Variants in CSNK1G1 observed in about 807,000 individuals in gnomAD.
CSNK1G1 encodes casein kinase 1 gamma 1, also known as casein kinase I isoform gamma-1.
In CSNK1G1, 22 loss-of-function variants were observed where a neutral mutation model predicts 59.6. The observed-to-expected ratio is 0.37, with a 90% CI of 0.26 to 0.53. The LOEUF (loss-of-function observed/expected upper bound fraction) is 0.53. Ranked by LOEUF, CSNK1G1 falls within the 20% of genes least tolerant of loss-of-function variation. The pLI is 0.89. For missense variants in CSNK1G1, 384 were observed against 519.5 expected, an observed-to-expected ratio of 0.74 and a Z score of 2.54; for synonymous variants, 179 against 177.1, an observed-to-expected ratio of 1.01 and a Z score of -0.08.
At chr15:64,227,345 T>C (rs1356422960) in intron 4 of CSNK1G1, among the ~76,000 whole-genome samples, 1 of 152,236 alleles carries the variant, frequency 6.6e-6, no homozygotes, top group Non-Finnish European at 1.5e-5. Flanking sequence ...CATTGACTTC[T>C]GTGTATTTTA....
chr15:64,248,585 A>G (rs1255641992), intron 4 of CSNK1G1, among the ~76,000 whole-genome samples: 1 of 152,158 alleles, frequency 6.6e-6, no homozygotes, highest in Non-Finnish European at 1.5e-5. Context: ...ACCAATATGC[A>G]ATTACAATAA....
At chr15:64,334,556 A>C (rs897650729) in intron 1 of CSNK1G1, among the ~76,000 whole-genome samples, 5 of 152,190 alleles carry the variant, frequency 3.3e-5, no homozygotes, top group African/African-American at 9.6e-5. Flanking sequence ...GTTTTCCTGC[A>C]ACTGGATGGT....
rs115491593 is a variant in CSNK1G1, at chr15:64,340,570, C to T, written c.-225+15418G>A. ...ACTGCAGGTGGCTTTCCCAGAATCA[C>T]CACTCCCTCAGTAAAGTCCAGTTTT... On this transcript the variant is annotated intron_variant, in intron 1 of 11. Transcript: ENST00000303052. 1.6e-3 allele frequency among the ~76,000 whole-genome samples: 248 copies of T among 152,214 alleles called. 2 individuals are homozygous for T. The highest frequency in any genetic ancestry group is 5.8e-3 in the African/African-American group (239 of 41,520).
At chr15:64,288,636 T>C (rs978015911) in intron 2 of CSNK1G1, among the ~76,000 whole-genome samples, 5 of 151,124 alleles carry the variant, frequency 3.3e-5, no homozygotes, top group Non-Finnish European at 5.9e-5. Context: ...AACCCCAACA[T>C]AGAAAAAAAA....
intron 10 of CSNK1G1, among the ~76,000 whole-genome samples, chr15:64,183,460 G>A (rs896412369): frequency 1.3e-5 from 2 of 152,156 alleles, no homozygotes; most frequent in Non-Finnish European, 2.9e-5. Context: ...TCAGGTTGGA[G>A]GTCTGGTTTG....
chr15:64,258,247 A>C (rs146667203), intron 3 of CSNK1G1, among the ~76,000 whole-genome samples: 77 of 152,168 alleles, frequency 5.1e-4, no homozygotes, highest in Non-Finnish European at 9.6e-4. Flanking sequence ...GTGTGGTGGC[A>C]TGTAGTCTGT....
intron 1 of CSNK1G1, among the ~76,000 whole-genome samples, chr15:64,323,184 C>T (rs769377768): frequency 2.0e-5 from 3 of 152,088 alleles, no homozygotes; most frequent in Non-Finnish European, 2.9e-5. Context: ...GCCTTGGCCT[C>T]GCAAAGTGCT....
intron 6 of CSNK1G1, among the ~76,000 whole-genome samples, chr15:64,212,182 T>C (rs895097708): frequency 1.3e-5 from 2 of 152,198 alleles, no homozygotes; most frequent in Non-Finnish European, 2.9e-5. Context: ...GTAACGCTGA[T>C]AGTAAGTACC....
At chr15:64,201,708 G>GTGTGTGTGTGTGTGTA (rs1748868590) in intron 10 of CSNK1G1, among the ~76,000 whole-genome samples, 2 of 51,950 alleles carry the variant, frequency 3.8e-5, no homozygotes, top group African/African-American at 2.1e-4. Flanking sequence ...CATTGGACAT[G>GTGTGTGTGTGTGTGTA]TGTGTGTGTG....
At chr15:64,201,751 T>TGTGTGTGTG (rs1555499642) in intron 10 of CSNK1G1, among the ~76,000 whole-genome samples, 6 of 142,336 alleles carry the variant, frequency 4.2e-5, no homozygotes, top group Non-Finnish European at 8.9e-5. Context: ...TGTGTGTGTG[T>TGTGTGTGTG]TTATATACTA....
Position 64,169,817 on chromosome 15 carries a change from T to G in CSNK1G1, c.*2114A>C, listed in dbSNP as rs530044280. The G allele has an allele frequency of 5.9e-5, 9 of 152,316 alleles. 1 individual carries two copies. In the South Asian group the frequency reaches 1.2e-3, roughly 21 times the overall value. 9.4% of individuals were successfully genotyped at this position (152,316 alleles called of 1,614,324 possible). A position where few individuals can be genotyped will look rare whatever the true frequency, so the allele number is the denominator to read the frequency against. ...ACCATCTTTTCATAAGCTAAGCAGG[T>G]TTGATGCCAGTGAAATGATATTCCC... is the stretch of plus-strand genomic sequence containing the variant. On this transcript the variant is annotated 3_prime_UTR_variant, in exon 12 of 12. Coordinates refer to ENST00000303052, the MANE Select transcript of CSNK1G1 (RefSeq NM_022048.5).
At chr15:64,278,370 G>A (rs1893883591) in intron 2 of CSNK1G1, among the ~76,000 whole-genome samples, 1 of 144,734 alleles carries the variant, frequency 6.9e-6, no homozygotes, top group Non-Finnish European at 1.5e-5. Flanking sequence ...ATATATGCAT[G>A]TATGTGCGTG....
chr15:64,291,416 A>C (rs1348312762), intron 2 of CSNK1G1, among the ~76,000 whole-genome samples: 3 of 151,966 alleles, frequency 2.0e-5, no homozygotes, highest in Admixed American at 6.5e-5. Context: ...GTGAAACCCC[A>C]TCTTTACTAA....
intron 10 of CSNK1G1, among the ~76,000 whole-genome samples, chr15:64,195,920 A>T (rs1302431175): frequency 6.6e-6 from 1 of 152,212 alleles, no homozygotes; most frequent in East Asian, 1.9e-4. Flanking sequence ...CTAGTTAGGT[A>T]AAATTTATGT....
In CSNK1G1 at chr15:64,216,018, A is replaced by G. The variant is rs2082307427; in HGVS notation, c.444+544T>C. ...GGCCGAGGTGGGAGGACTGCTTGAGACCAGTTTAGACAAGCCTGGGCAACA... is the reference window on the plus strand; with the variant it reads ...GGCCGAGGTGGGAGGACTGCTTGAGGCCAGTTTAGACAAGCCTGGGCAACA... On this transcript the variant is annotated intron_variant, in intron 5 of 11. Coordinates refer to ENST00000303052, the MANE Select transcript of CSNK1G1 (RefSeq NM_022048.5). This position sits in a 1 kb window ranked among gnomAD's most constrained non-coding sequence, Gnocchi z 4.6. Among the ~76,000 whole-genome samples the G allele has an allele frequency of 6.6e-6, 1 of 152,012 alleles. No individual in the cohort carries two copies. Among genetic ancestry groups the G allele is most frequent in the Non-Finnish European group, 1.5e-5 (1 of 67,984 alleles).
intron 2 of CSNK1G1, among the ~76,000 whole-genome samples, chr15:64,261,660 C>T (rs1406588076): frequency 2.6e-5 from 4 of 151,784 alleles, no homozygotes; most frequent in Non-Finnish European, 5.9e-5. Flanking sequence ...AGGCTTAACC[C>T]TAAGAACTTA....
rs867797083 is a variant in CSNK1G1 at position 64,180,406 on chromosome 15, C to A, written c.1156G>T (p.Ala386Ser). ...GELNVDDPTG[A>S]HSNAPITAHA... ...GCTGTGATTGGTGCATTGGAGTGGG[C>A]TCCCGTGGGATCATCAACATTCAGC... Residue 386 changes from alanine to serine, a missense_variant, in exon 11 of 12, where the codon GCC (alanine) becomes TCC (serine). By Grantham distance (99) the Ala-to-Ser change is moderately conservative. Transcript: ENST00000303052. The A allele has an allele frequency of 6.2e-7, 1 of 1,614,198 alleles. No individual in the cohort carries two copies. Among genetic ancestry groups the A allele is most frequent in the Non-Finnish European group, 8.5e-7 (1 of 1,180,022 alleles).
At chr15:64,260,818 G>A (rs902164367) in intron 2 of CSNK1G1, among the ~76,000 whole-genome samples, 2 of 152,084 alleles carry the variant, frequency 1.3e-5, no homozygotes, top group Non-Finnish European at 2.9e-5. Context: ...AAGGCCCTCT[G>A]CAATATAACT....
chr15:64,352,604 C>G (rs1389791908), intron 1 of CSNK1G1, among the ~76,000 whole-genome samples: 2 of 150,362 alleles, frequency 1.3e-5, no homozygotes, highest in Non-Finnish European at 3.0e-5. Context: ...CTCCATCATG[C>G]CTGACTAATG....
Sources: allele counts gnomAD v4.1 joint callset (sites outside exome capture counted in the v4.1 genomes callset), GRCh38; gene constraint gnomAD v4.1.1; non-coding constraint Gnocchi (gnomAD v3.1); transcripts MANE v1.5; gene names NCBI Gene and HGNC (gene_info 2026-07-23, HGNC 2026-07-21).